Variants in RBFOX1 observed in about 807,000 individuals in gnomAD.
The protein encoded by RBFOX1 is RNA binding protein fox-1 homolog 1.
In RBFOX1, 8 loss-of-function variants were observed where a neutral mutation model predicts 57.7. The observed-to-expected ratio is 0.14, with a 90% CI of 0.08 to 0.25. The LOEUF (loss-of-function observed/expected upper bound fraction) is 0.25. Ranked by LOEUF, RBFOX1 falls within the 10% of genes least tolerant of loss-of-function variation. The pLI is 1.00. For synonymous variants in RBFOX1, 326 were observed against 222.4 expected (o/e 1.47, Z -4.15); for missense variants, 611 against 548.5 (o/e 1.11, Z -1.14).
intron 1 of RBFOX1, among the ~76,000 whole-genome samples, chr16:6,155,857 C>G (rs902033719): frequency 6.6e-6 from 1 of 152,112 alleles, no homozygotes; most frequent in East Asian, 1.9e-4. Context: ...TGGTGAGAGA[C>G]TTTTTAATTA....
chr16:7,597,491 T>G, intron 9 of RBFOX1, 60 bp downstream of exon 9: 1 of 1,408,842 alleles, frequency 7.1e-7, no homozygotes, highest in South Asian at 1.2e-5. Context: ...TTAAGTAATT[T>G]AACCAGAGAT....
At chr16:6,794,333 A>C (rs1438512454) in intron 3 of RBFOX1, among the ~76,000 whole-genome samples, 1 of 149,664 alleles carries the variant, frequency 6.7e-6, no homozygotes, top group Non-Finnish European at 1.5e-5. Context: ...GGCTAATACA[A>C]ACATGAGGCA....
At chr16:6,233,570 C>G (rs1230622136) in intron 1 of RBFOX1, among the ~76,000 whole-genome samples, 1 of 152,112 alleles carries the variant, frequency 6.6e-6, no homozygotes, top group East Asian at 1.9e-4. Flanking sequence ...TGTCCTCACC[C>G]TCTACATTGT....
chr16:7,184,311 T>C (rs1286913183), intron 4 of RBFOX1, among the ~76,000 whole-genome samples: 3 of 152,120 alleles, frequency 2.0e-5, no homozygotes, highest in Non-Finnish European at 4.4e-5. Flanking sequence ...AGGGAAGACA[T>C]CATCCAAATG....
chr16:7,700,895 C>T (rs1016138), intron 14 of RBFOX1, among the ~76,000 whole-genome samples: 149,161 of 152,270 alleles, frequency 0.98, 73,136 homozygotes, highest in Middle Eastern at 1. Flanking sequence ...TCTGATTTGC[C>T]ATGGGTAAAT....
intron 4 of RBFOX1, among the ~76,000 whole-genome samples, chr16:7,188,853 T>G (rs557959361): frequency 3.1e-4 from 47 of 152,244 alleles, no homozygotes; most frequent in Middle Eastern, 3.4e-3. Context: ...ATTTTGGAGT[T>G]GGAAAGGACA....
At chr16:5,925,466 A>G (rs918939504) in intron 4 of RBFOX1, among the ~76,000 whole-genome samples, 1 of 152,220 alleles carries the variant, frequency 6.6e-6, no homozygotes, top group African/African-American at 2.4e-5. Context: ...ACCCATGGAA[A>G]CAGAAAGTAG....
intron 2 of RBFOX1, among the ~76,000 whole-genome samples, chr16:6,342,528 C>T (rs1193531657): frequency 2.0e-5 from 3 of 152,076 alleles, no homozygotes; most frequent in East Asian, 3.9e-4. Context: ...ACAGCAACCT[C>T]ACGAGATTCA....
intron 3 of RBFOX1, among the ~76,000 whole-genome samples, chr16:6,912,983 C>A (rs1356737700): frequency 6.6e-6 from 1 of 151,974 alleles, no homozygotes. Flanking sequence ...CTGGCTGTTA[C>A]CCAACACTGT....
chr16:7,165,817 C>T (rs750279725), intron 4 of RBFOX1, among the ~76,000 whole-genome samples: 26 of 151,970 alleles, frequency 1.7e-4, no homozygotes, highest in Admixed American at 2.6e-4. Context: ...CTTGATTTGC[C>T]TTCTGCTAGA....
intron 2 of RBFOX1, among the ~76,000 whole-genome samples, chr16:6,569,941 A>G (rs2097322115): frequency 6.6e-6 from 1 of 152,202 alleles, no homozygotes; most frequent in South Asian, 2.1e-4. Context: ...CCTCAATAAT[A>G]AAATTCATTT....
chr16:5,482,113 G>A (rs554308176), intron 2 of RBFOX1, among the ~76,000 whole-genome samples: 10 of 152,264 alleles, frequency 6.6e-5, no homozygotes, highest in East Asian at 3.9e-4. Context: ...ATGGCGAATC[G>A]TGTGATAAAC....
intron 3 of RBFOX1, among the ~76,000 whole-genome samples, chr16:7,011,032 A>C (rs1003211116): frequency 6.0e-5 from 9 of 150,698 alleles, no homozygotes; most frequent in African/African-American, 2.2e-4. Flanking sequence ...ATTTCAAGTC[A>C]ATTTGTGGCC....
At chr16:7,325,583 A>T (rs2096600773) in intron 4 of RBFOX1, among the ~76,000 whole-genome samples, 1 of 152,008 alleles carries the variant, frequency 6.6e-6, no homozygotes. Flanking sequence ...GGGAGATGTG[A>T]CTTCTCTTCT....
At chr16:6,739,728 T>C (rs1022797932) in intron 3 of RBFOX1, among the ~76,000 whole-genome samples, 4 of 151,884 alleles carry the variant, frequency 2.6e-5, no homozygotes, top group African/African-American at 9.7e-5. Flanking sequence ...AATACAAAAA[T>C]TAGCTGGGCG....
At chr16:5,737,320 C>G (rs1176434044) in intron 3 of RBFOX1, among the ~76,000 whole-genome samples, 1 of 151,934 alleles carries the variant, frequency 6.6e-6, no homozygotes, top group South Asian at 2.1e-4. Context: ...TCGGTCTCTC[C>G]TAAAAGTACA....
chr16:6,082,332 C>T lies in RBFOX1; in HGVS notation c.-127+62340C>T, dbSNP rs1416347091. 2.1e-5 allele frequency among the ~76,000 whole-genome samples: 3 copies of T among 142,726 alleles called. No individual in the cohort carries two copies. In the East Asian group the frequency reaches 6.2e-4, roughly 29 times the overall value. 93.6% of individuals were successfully genotyped at this position (142,726 alleles called of 152,430 possible). A position where few individuals can be genotyped will look rare whatever the true frequency, so the allele number is the denominator to read the frequency against. On this transcript the variant is annotated intron_variant, in intron 1 of 15. Coordinates refer to ENST00000550418, the MANE Select transcript of RBFOX1 (RefSeq NM_018723.4). ...AGTAGCTGGGATTACATGTGCCTGTCACCACACCTGGCTAATTTTTTTTTT... is the reference window on the plus strand; with the variant it reads ...AGTAGCTGGGATTACATGTGCCTGTTACCACACCTGGCTAATTTTTTTTTT...
At chr16:6,480,813 T>C (rs867112232) in intron 2 of RBFOX1, among the ~76,000 whole-genome samples, 18 of 152,242 alleles carry the variant, frequency 1.2e-4, no homozygotes, top group African/African-American at 4.3e-4. Context: ...TATTTTTATT[T>C]CTGTTCCTAC....
At chr16:5,977,187 G>A (rs2060081499) in intron 4 of RBFOX1, among the ~76,000 whole-genome samples, 1 of 152,186 alleles carries the variant, frequency 6.6e-6, no homozygotes, top group Admixed American at 6.5e-5. Context: ...GGGCAGAACT[G>A]AGGTTGCTGC....
Sources: gnomAD v4.1 joint callset for allele counts (sites outside exome capture counted in the v4.1 genomes callset) on GRCh38, gnomAD v4.1.1 for gene constraint, MANE v1.5 for transcripts, NCBI Gene and HGNC (gene_info 2026-07-23, HGNC 2026-07-21) for gene names.